The following MYOM1 variants were observed in gnomAD, a reference collection of about 807,000 sequenced individuals.
MYOM1 encodes myomesin 1, also known as myomesin-1.
A neutral mutation model predicts 205.3 loss-of-function variants in MYOM1; 164 were observed. The ratio of observed to expected loss-of-function variants is 0.80; its 90% CI spans 0.70 to 0.91. The LOEUF is 0.91. Ranked by LOEUF, MYOM1 falls within the 40% of genes least tolerant of loss-of-function variation. MYOM1 has a pLI of 0.00. For missense variants in MYOM1, 2,011 were observed against 2,127.3 expected, an observed-to-expected ratio of 0.95 and a Z score of 1.08; for synonymous variants, 772 against 789.4, an observed-to-expected ratio of 0.98 and a Z score of 0.37.
chr18:3,131,572 G>C lies in MYOM1; in HGVS notation c.2385-76C>G. 5 of 1,296,392 alleles carry C rather than the reference G, an allele frequency of 3.9e-6. No individual in the cohort carries two copies. In the South Asian group the frequency reaches 6.8e-5, roughly 18 times the overall value. The allele number at this position is 1,296,392 out of a possible 1,614,324, so 80.3% of individuals were successfully genotyped here. On this transcript the variant is annotated intron_variant, in intron 16 of 37. Coordinates refer to ENST00000356443, the MANE Select transcript of MYOM1 (RefSeq NM_003803.4). The stretch of plus-strand genomic sequence containing the variant: ...AGATGATTGTTAGCTTAATGGAGTG[G>C]ATCTGGCTTTATGAAAACAATTCTT...
chr18:3,171,372 G>T (rs1026029814), intron 8 of MYOM1, among the ~76,000 whole-genome samples: 48 of 152,198 alleles, frequency 3.2e-4, no homozygotes, highest in African/African-American at 1.1e-3. Flanking sequence ...GGGGGTAGAG[G>T]TGAGGGCTAC....
rs17177479 is a variant in MYOM1, at chr18:3,176,019, C to T, written c.1022+23G>A. The T allele has an allele frequency of 0.23, 327,259 of 1,424,982 alleles. 39,075 individuals are homozygous for T. Among genetic ancestry groups the T allele is most frequent in the East Asian group, 0.29 (12,653 of 43,788 alleles). The allele number at this position is 1,424,982 out of a possible 1,614,324, so 88.3% of individuals were successfully genotyped here. ...CCTCCCTGAGCAATGGTGAGCAACA[C>T]ATGGACACTAATGTTCTCTTACCCA... is the stretch of plus-strand genomic sequence containing the variant. On this transcript the variant is annotated intron_variant, in intron 6 of 37. Coordinates refer to ENST00000356443, the MANE Select transcript of MYOM1 (RefSeq NM_003803.4).
rs756305262 is a variant in MYOM1, at chr18:3,188,909, C to T, written c.610G>A (p.Ala204Thr). ...KQSTASKQSTASKQSTASRQS... is the reference protein window; with the variant it reads ...KQSTASKQSTTSKQSTASRQS... The stretch of plus-strand genomic sequence containing the variant: ...CTGGATGCCGTGGACTGCTTGGATG[C>T]TGTGGACTGCTTGGATGCCGTGGAC... Residue 204 changes from alanine to threonine, a missense_variant, in exon 4 of 38, where the codon GCA (alanine) becomes ACA (threonine). Coordinates refer to ENST00000356443, the MANE Select transcript of MYOM1 (RefSeq NM_003803.4). The T allele has an allele frequency of 1.2e-6, 2 of 1,609,346 alleles. No homozygotes were observed. Among genetic ancestry groups the T allele is most frequent in the Non-Finnish European group, 1.7e-6 (2 of 1,177,222 alleles).
intron 10 of MYOM1, among the ~76,000 whole-genome samples, chr18:3,162,939 T>C (rs1353902235): frequency 6.6e-6 from 1 of 151,246 alleles, no homozygotes. Context: ...CGCAAGAGAA[T>C]GGTGTGAACC....
chr18:3,073,088 C>T (rs1202831931), intron 36 of MYOM1, among the ~76,000 whole-genome samples: 1 of 149,480 alleles, frequency 6.7e-6, no homozygotes, highest in Non-Finnish European at 1.5e-5. Context: ...GTTAGGATTA[C>T]AGGCACAAGC....
intron 5 of MYOM1, among the ~76,000 whole-genome samples, chr18:3,186,609 A>G (rs2144136737): frequency 6.6e-6 from 1 of 152,334 alleles, no homozygotes; most frequent in Middle Eastern, 3.4e-3. Context: ...TTATGGAAAG[A>G]AAATATCTCA....
rs772146746 is a variant in MYOM1 at position 3,176,081 on chromosome 18, A to G, written c.983T>C (p.Ile328Thr). 1 of 1,607,684 alleles carries G rather than the reference A, an allele frequency of 6.2e-7. No homozygotes were observed. Among genetic ancestry groups the G allele is most frequent in the Non-Finnish European group, 8.5e-7 (1 of 1,174,504 alleles). ...AGTGTGCATCCCATATCGACTCTCA[A>G]TAATATACTTTCCAGGGTTTGCATG... ...NVHANPGKYI[I>T]ESRYGMHTLE... Residue 328 changes from isoleucine to threonine, a missense_variant, in exon 6 of 38, where the codon ATT becomes ACT. By Grantham distance (89) the Ile-to-Thr change is moderately conservative. Transcript: ENST00000356443.
At chr18:3,164,720 G>T (rs1013392850) in intron 9 of MYOM1, among the ~76,000 whole-genome samples, 5 of 152,220 alleles carry the variant, frequency 3.3e-5, no homozygotes, top group African/African-American at 1.2e-4. Context: ...GCAATTAAAG[G>T]TGCTAAAATA....
At chr18:3,076,889 T>C (rs1320944754) in intron 34 of MYOM1, among the ~76,000 whole-genome samples, 4 of 152,100 alleles carry the variant, frequency 2.6e-5, no homozygotes, top group South Asian at 4.1e-4. Context: ...AATTTTTGTA[T>C]TTTTTGTAGA....
At chr18:3,077,061 G>A (rs557576649) in intron 34 of MYOM1, among the ~76,000 whole-genome samples, 25 of 151,274 alleles carry the variant, frequency 1.7e-4, no homozygotes, top group African/African-American at 5.4e-4. Context: ...TGCCCAGGCT[G>A]GAGTGCAGTA....
chr18:3,205,967 C>T lies in MYOM1; in HGVS notation c.290+8967G>A, dbSNP rs559160345. Among the ~76,000 whole-genome samples, 298 of 152,146 alleles carry T rather than the reference C, an allele frequency of 2.0e-3. 1 individual carries two copies. Among genetic ancestry groups the T allele is most frequent in the Admixed American group, 0.011 (167 of 15,280 alleles). On this transcript the variant is annotated intron_variant, in intron 2 of 37. Transcript: ENST00000356443. ...AAACCCTTGTCTTCTGAGAGCTTTA[C>T]GGTCTAGTAAGGGAGCAAATATATT...
At chr18:3,128,318 G>A (rs187210136) in intron 18 of MYOM1, among the ~76,000 whole-genome samples, 7 of 152,298 alleles carry the variant, frequency 4.6e-5, no homozygotes, top group Admixed American at 4.6e-4. Context: ...GGAGGTTATA[G>A]AAGTTGGGGT....
In MYOM1 at chr18:3,209,627, C is replaced by T. The variant is rs943199512; in HGVS notation, c.290+5307G>A. On this transcript the variant is annotated intron_variant, in intron 2 of 37. Transcript: ENST00000356443. The surrounding 1 kb of genome is among the most constrained non-coding windows in gnomAD (Gnocchi z 4.0). ...CTCCCCCATTCCCTTGCATGGGCCTCGATGCTGTTCTGTGCTGGAAGGCCT... is the reference window on the plus strand; with the variant it reads ...CTCCCCCATTCCCTTGCATGGGCCTTGATGCTGTTCTGTGCTGGAAGGCCT... Among the ~76,000 whole-genome samples, 5 of 152,210 alleles carry T rather than the reference C, an allele frequency of 3.3e-5. No individual in the cohort carries two copies. The highest frequency in any genetic ancestry group is 1.2e-4 in the African/African-American group (5 of 41,450).
intron 31 of MYOM1, among the ~76,000 whole-genome samples, chr18:3,084,405 A>T (rs118097354): frequency 0.017 from 2,650 of 152,292 alleles, 43 homozygotes; most frequent in South Asian, 0.071. Flanking sequence ...TTCATAATGA[A>T]TTAACCATGT....
At chr18:3,163,850 T>C (rs993394658) in intron 10 of MYOM1, among the ~76,000 whole-genome samples, 7 of 151,156 alleles carry the variant, frequency 4.6e-5, no homozygotes, top group African/African-American at 1.7e-4. Flanking sequence ...TTTTGTTTTG[T>C]TTCATTTTGT....
At chr18:3,127,552 A>G (rs575633412) in intron 18 of MYOM1, among the ~76,000 whole-genome samples, 186 of 151,724 alleles carry the variant, frequency 1.2e-3, no homozygotes, top group African/African-American at 4.0e-3. Context: ...TAGGTGATCC[A>G]CCCACCTCAG....
intron 25 of MYOM1, among the ~76,000 whole-genome samples, chr18:3,094,649 GTTT>G (rs770442170): frequency 9.3e-5 from 14 of 151,168 alleles, no homozygotes; most frequent in Non-Finnish European, 4.4e-5. Flanking sequence ...TTTGGTTGGT[GTTT>G]TTTCTTTTTC....
intron 26 of MYOM1, among the ~76,000 whole-genome samples, chr18:3,091,005 G>T (rs2079218425): frequency 1.3e-5 from 2 of 152,016 alleles, no homozygotes; most frequent in Non-Finnish European, 2.9e-5. Flanking sequence ...AGCAAAGCGA[G>T]ACCTTGTCTA....
intron 18 of MYOM1, among the ~76,000 whole-genome samples, chr18:3,127,305 A>ATATATATATATATTTT (rs56880961): frequency 6.3e-5 from 3 of 47,568 alleles, no homozygotes; most frequent in Non-Finnish European, 7.3e-5. Flanking sequence ...ATATATATAT[A>ATATATATATATATTTT]TTTTTTTTTT....
Sources: allele counts gnomAD v4.1 joint callset (sites outside exome capture counted in the v4.1 genomes callset), GRCh38; gene constraint gnomAD v4.1.1; non-coding constraint Gnocchi (gnomAD v3.1); transcripts MANE v1.5; gene names NCBI Gene and HGNC (gene_info 2026-07-23, HGNC 2026-07-21).